The following MDM4 variants were observed in gnomAD, a reference collection of about 807,000 sequenced individuals.
MDM4 encodes the protein MDM4 regulator of p53, also known as protein Mdm4.
Under a neutral mutation model 60.2 loss-of-function variants are expected in MDM4, and 2 were observed. The observed-to-expected ratio is 0.03, with a 90% CI of 0.01 to 0.10. The LOEUF (loss-of-function observed/expected upper bound fraction) is 0.10, where lower values mean the gene tolerates loss of function less well. Among genes scored for constraint, MDM4 ranks in the 10% least tolerant of loss-of-function variants. The pLI is 1.00. For synonymous variants in MDM4, 202 were observed against 198.1 expected (o/e 1.02, Z -0.17); for missense variants, 447 against 577.5 (o/e 0.77, Z 2.32).
intron 5 of MDM4, among the ~76,000 whole-genome samples, chr1:204,534,204 T>C (rs974347124): frequency 1.3e-5 from 2 of 152,248 alleles, no homozygotes; most frequent in Non-Finnish European, 2.9e-5. Context: ...CATTGAGTCA[T>C]ATGCCCACTT....
At chr1:204,532,875 T>A (rs1661012648) in intron 5 of MDM4, 1 of 1,574,724 alleles carries the variant, frequency 6.4e-7, no homozygotes. Context: ...TTTGGTAAAC[T>A]GGTAGTGCTT....
intron 1 of MDM4, among the ~76,000 whole-genome samples, chr1:204,521,810 A>G (rs1659594500): frequency 6.6e-6 from 1 of 152,216 alleles, no homozygotes; most frequent in South Asian, 2.1e-4. Context: ...ATGTATAAAT[A>G]GACAGTTACA....
intron 3 of MDM4, among the ~76,000 whole-genome samples, chr1:204,528,056 A>G (rs925766595): frequency 1.3e-4 from 19 of 150,202 alleles, no homozygotes; most frequent in African/African-American, 4.4e-4. Context: ...TTTTTCCCCA[A>G]ACTTATTAAA....
rs1368802905 is a variant in MDM4, at chr1:204,529,797, G to A, written c.154-887G>A. On this transcript the variant is annotated intron_variant, in intron 3 of 10. Transcript: ENST00000367182. ...GCCATCTCCTTCATTTAGCATGGCA[G>A]AGTTTGCCTGAGTTTACACGATGAG... 9.7e-6 allele frequency: 3 copies of A among 309,134 alleles called. No homozygotes were observed. The East Asian group carries it at 1.9e-4, about 19-fold the overall frequency. The allele number at this position is 309,134 out of a possible 1,614,324, so 19.1% of individuals were successfully genotyped here. A position where few individuals can be genotyped will look rare whatever the true frequency, so the allele number is the denominator to read the frequency against.
chr1:204,534,308 G>A (rs1661167945), intron 5 of MDM4, among the ~76,000 whole-genome samples: 4 of 152,094 alleles, frequency 2.6e-5, no homozygotes, highest in Non-Finnish European at 5.9e-5. Flanking sequence ...GCTTTCCTGC[G>A]ATAGTCACTA....
chr1:204,530,938 T>G, intron 4 of MDM4, 121 bp downstream of exon 4: 1 of 1,302,706 alleles, frequency 7.7e-7, no homozygotes, highest in Non-Finnish European at 1.1e-6. Flanking sequence ...ATATGTTAGG[T>G]AGCCTATGAG....
intron 6 of MDM4, among the ~76,000 whole-genome samples, 154 bp downstream of exon 6, chr1:204,537,651 T>C (rs1661556542): frequency 6.6e-6 from 1 of 152,152 alleles, no homozygotes; most frequent in Non-Finnish European, 1.5e-5. Flanking sequence ...GAGTGAACCT[T>C]CTCTGTTCTG....
chr1:204,549,688 G>C lies in MDM4; in HGVS notation c.*6G>C. 1 of 1,449,398 alleles carries C rather than the reference G, an allele frequency of 6.9e-7. No individual in the cohort carries two copies. The highest frequency in any genetic ancestry group is 1.4e-5 in the African/African-American group (1 of 70,306). The allele number at this position is 1,449,398 out of a possible 1,614,324, so 89.8% of individuals were successfully genotyped here. ...TTAAGGTTTTTATAGCATAATGGTAGTACGAACATAAAAATGCATTTATTC... is the reference window on the plus strand; with the variant it reads ...TTAAGGTTTTTATAGCATAATGGTACTACGAACATAAAAATGCATTTATTC... On this transcript the variant is annotated 3_prime_UTR_variant, in exon 11 of 11. Transcript: ENST00000367182.
At position 204,553,907 on chromosome 1, in the gene MDM4, G is replaced by A; in HGVS notation, c.*4225G>A. 3 of 224,210 alleles carry A rather than the reference G, an allele frequency of 1.3e-5. No individual in the cohort carries two copies. Among genetic ancestry groups the A allele is most frequent in the Non-Finnish European group, 1.8e-5 (2 of 112,370 alleles). 13.9% of individuals were successfully genotyped at this position (224,210 alleles called of 1,614,324 possible). A position where few individuals can be genotyped will look rare whatever the true frequency, so the allele number is the denominator to read the frequency against. On this transcript the variant is annotated 3_prime_UTR_variant, in exon 11 of 11. Transcript: ENST00000367182. Reference sequence around the variant, plus strand: ...TTTCTAATCCTAGGCTTGTACAATGGATTGGAGTTGAGCCATGCCAGCCTC... The same window carrying A: ...TTTCTAATCCTAGGCTTGTACAATGAATTGGAGTTGAGCCATGCCAGCCTC...
At chr1:204,537,175 T>G in intron 5 of MDM4, 1 of 454,346 alleles carries the variant, frequency 2.2e-6, no homozygotes. Flanking sequence ...TGGAAGAACA[T>G]TTTTAGCTAT....
intron 5 of MDM4, among the ~76,000 whole-genome samples, chr1:204,536,234 A>G (rs1661411011): frequency 6.6e-6 from 1 of 152,220 alleles, no homozygotes; most frequent in South Asian, 2.1e-4. Context: ...CCAGGGTGAC[A>G]GAGCAAGACT....
intron 1 of MDM4, among the ~76,000 whole-genome samples, chr1:204,518,612 T>C (rs889881508): frequency 6.6e-6 from 1 of 152,200 alleles, no homozygotes; most frequent in African/African-American, 2.4e-5. Flanking sequence ...CCTCTTTTAG[T>C]GATAAGGTTG....
rs531472551 is a variant in MDM4 at position 204,529,524 on chromosome 1, G to T, written c.154-1160G>T. On this transcript the variant is annotated intron_variant, in intron 3 of 10. Transcript: ENST00000367182. ...TCCATAGGGCCCTCTACCAGCTGGT[G>T]GTCCATAAGGCCCTCCAGGGGCAGG... is the stretch of plus-strand genomic sequence containing the variant. 100 of 1,507,786 alleles carry T rather than the reference G, an allele frequency of 6.6e-5. No individual in the cohort carries two copies. The African/African-American group carries it at 1.3e-3, about 19-fold the overall frequency. The allele number at this position is 1,507,786 out of a possible 1,614,324, so 93.4% of individuals were successfully genotyped here. A position where few individuals can be genotyped will look rare whatever the true frequency, so the allele number is the denominator to read the frequency against.
rs1457821221 is a variant in MDM4, at chr1:204,533,887, A to G, written c.343+1641A>G. ...AGCCTTTACCTCCTGGGCTTAACTC[A>G]TCTTCCTGTCTCAGCCTCCCAAATA... On this transcript the variant is annotated intron_variant, in intron 5 of 10. Coordinates refer to ENST00000367182, the MANE Select transcript of MDM4 (RefSeq NM_002393.5). Among the ~76,000 whole-genome samples, 4 of 149,750 alleles carry G rather than the reference A, an allele frequency of 2.7e-5. No homozygotes were observed. The East Asian group carries it at 7.8e-4, about 29-fold the overall frequency.
rs916031431 is a variant in MDM4 at position 204,555,240 on chromosome 1, C to A, written c.*5558C>A. 1 of 173,366 alleles carries A rather than the reference C, an allele frequency of 5.8e-6. No individual in the cohort carries two copies. The highest frequency in any genetic ancestry group is 2.0e-4 in the South Asian group (1 of 4,986). The allele number at this position is 173,366 out of a possible 1,614,324, so 10.7% of individuals were successfully genotyped here. On this transcript the variant is annotated 3_prime_UTR_variant, in exon 11 of 11. Transcript: ENST00000367182. ...CGCGATCTCGGCTCACTGCAACCTCCGCCTCCCGGGTTCACCCCATTCTCC... is the reference window on the plus strand; with the variant it reads ...CGCGATCTCGGCTCACTGCAACCTCAGCCTCCCGGGTTCACCCCATTCTCC...
At chr1:204,545,358 C>A (rs1419166107) in intron 9 of MDM4, among the ~76,000 whole-genome samples, 2 of 152,070 alleles carry the variant, frequency 1.3e-5, no homozygotes, top group Non-Finnish European at 2.9e-5. Flanking sequence ...GGTATGTACT[C>A]ATGAAGTACT....
chr1:204,525,750 A>G (rs1660073265), intron 2 of MDM4, among the ~76,000 whole-genome samples, 154 bp downstream of exon 2: 1 of 151,960 alleles, frequency 6.6e-6, no homozygotes, highest in South Asian at 2.1e-4. Flanking sequence ...TTGGCAACAT[A>G]GTGAGACCTG....
intron 5 of MDM4, among the ~76,000 whole-genome samples, chr1:204,533,686 AACTGTCTTTTGC>A (rs1184201428): frequency 6.6e-6 from 1 of 152,098 alleles, no homozygotes; most frequent in Non-Finnish European, 1.5e-5. Context: ...TAGTTTACTG[AACTGTCTTTTGC>A]ACTGTCTTTT....
At chr1:204,525,190 A>G in intron 1 of MDM4, 6 of 229,152 alleles carry the variant, frequency 2.6e-5, no homozygotes, top group Non-Finnish European at 4.3e-5. Context: ...TTTGACTTTC[A>G]GCTAAAACAG....
Sources: allele counts gnomAD v4.1 joint callset (sites outside exome capture counted in the v4.1 genomes callset), GRCh38; gene constraint gnomAD v4.1.1; transcripts MANE v1.5; gene names NCBI Gene and HGNC (gene_info 2026-07-23, HGNC 2026-07-21).